Variants in STK31 observed in about 807,000 individuals in gnomAD.
The protein encoded by STK31 is serine/threonine-protein kinase 31.
In STK31, 89 loss-of-function variants were observed where a neutral mutation model predicts 129.7. The observed-to-expected ratio is 0.69, with a 90% confidence interval of 0.58 to 0.82. The LOEUF is 0.82. Among genes scored for constraint, STK31 ranks in the 40% least tolerant of loss-of-function variants. STK31 has a pLI of 0.00. For missense variants in STK31, 1,187 were observed against 1,176.4 expected, an observed-to-expected ratio of 1.01 and a Z score of -0.13; for synonymous variants, 448 against 395.3, an observed-to-expected ratio of 1.13 and a Z score of -1.58.
chr7:23,735,020 A>C (rs1391561574), intron 6 of STK31, among the ~76,000 whole-genome samples: 1 of 152,124 alleles, frequency 6.6e-6, no homozygotes. Context: ...CACATTTTAT[A>C]ATTTCAGTTT....
chr7:23,780,563 A>G (rs1790860951), intron 15 of STK31, among the ~76,000 whole-genome samples: 1 of 152,190 alleles, frequency 6.6e-6, no homozygotes, highest in Non-Finnish European at 1.5e-5. Context: ...CAGCAAATAC[A>G]CTATTTACAT....
chr7:23,752,709 T>C lies in STK31; in HGVS notation c.1018-8T>C, dbSNP rs1788789017. 4.4e-6 allele frequency: 7 copies of C among 1,593,680 alleles called. No homozygotes were observed. In the East Asian group the frequency reaches 1.6e-4, roughly 36 times the overall value. The stretch of plus-strand genomic sequence containing the variant: ...GTCTCACGAGAATGTGTTTATTCTT[T>C]GTTTCAGCAAGAGAAGGCAGCTGCT... On this transcript the variant is annotated splice_polypyrimidine_tract_variant and splice_region_variant and intron_variant, in intron 8 of 23. Transcript: ENST00000355870.
intron 23 of STK31, among the ~76,000 whole-genome samples, chr7:23,829,291 G>A (rs2390823): frequency 0.33 from 49,455 of 151,916 alleles, 9,296 homozygotes; most frequent in African/African-American, 0.52. Flanking sequence ...TTGTTGAGGT[G>A]TGTTACTTAT....
At chr7:23,829,560 T>C (rs1283639337) in intron 23 of STK31, among the ~76,000 whole-genome samples, 1 of 152,224 alleles carries the variant, frequency 6.6e-6, no homozygotes, top group Non-Finnish European at 1.5e-5. Context: ...TGCATCTGTG[T>C]TCATCAGGGA....
At chr7:23,803,121 A>G (rs1340844421) in intron 22 of STK31, among the ~76,000 whole-genome samples, 1 of 152,112 alleles carries the variant, frequency 6.6e-6, no homozygotes, top group Admixed American at 6.5e-5. Flanking sequence ...CTTTTTTACA[A>G]CAGTATTTTT....
chr7:23,729,993 G>C (rs1787306197), intron 6 of STK31, among the ~76,000 whole-genome samples: 1 of 152,126 alleles, frequency 6.6e-6, no homozygotes, highest in Non-Finnish European at 1.5e-5. Context: ...CATACTGTTT[G>C]ATGTAATAAT....
intron 3 of STK31, among the ~76,000 whole-genome samples, chr7:23,715,328 A>G (rs1381916918): frequency 6.6e-6 from 1 of 152,118 alleles, no homozygotes; most frequent in Non-Finnish European, 1.5e-5. Flanking sequence ...TTGAAAGAAC[A>G]AGCTTCTGGT....
At chr7:23,753,154 C>T (rs74909650) in intron 9 of STK31, among the ~76,000 whole-genome samples, 2,485 of 152,300 alleles carry the variant, frequency 0.016, 39 homozygotes, top group African/African-American at 0.042. Flanking sequence ...TTCAGGAGTA[C>T]AGCATGTCCT....
intron 15 of STK31, among the ~76,000 whole-genome samples, chr7:23,780,227 A>T (rs1446382631): frequency 2.0e-5 from 3 of 151,052 alleles, no homozygotes; most frequent in Non-Finnish European, 4.4e-5. Context: ...TGCAGAAATC[A>T]CTCACCTTGT....
intron 14 of STK31, 55 bp downstream of exon 14, chr7:23,771,179 GTACT>G (rs1467079509): frequency 3.4e-6 from 5 of 1,466,344 alleles, no homozygotes; most frequent in Non-Finnish European, 4.5e-6. Flanking sequence ...GAATTTTTCA[GTACT>G]TAAATTTTTC....
intron 22 of STK31, among the ~76,000 whole-genome samples, chr7:23,814,595 T>C (rs1358473360): frequency 6.6e-6 from 1 of 152,128 alleles, no homozygotes; most frequent in Non-Finnish European, 1.5e-5. Flanking sequence ...TATGCGTTTG[T>C]TCATAGGGTA....
intron 23 of STK31, among the ~76,000 whole-genome samples, chr7:23,822,689 G>T (rs1212174147): frequency 6.6e-6 from 1 of 152,076 alleles, no homozygotes; most frequent in Non-Finnish European, 1.5e-5. Flanking sequence ...TGCCATGTTG[G>T]TGTGCTGCAC....
intron 19 of STK31, 77 bp downstream of exon 19, chr7:23,786,710 T>C: frequency 1.3e-5 from 21 of 1,563,508 alleles, no homozygotes; most frequent in Non-Finnish European, 1.7e-5. Context: ...AAATTTTAGC[T>C]CCAGGTTTTA....
intron 22 of STK31, chr7:23,811,336 TG>T: frequency 2.4e-6 from 1 of 412,020 alleles, no homozygotes; most frequent in South Asian, 2.1e-5. Context: ...TTACTCTTTC[TG>T]GTCTTCATTC....
At chr7:23,810,208 C>A (rs954839895) in intron 22 of STK31, among the ~76,000 whole-genome samples, 1 of 152,030 alleles carries the variant, frequency 6.6e-6, no homozygotes, top group Non-Finnish European at 1.5e-5. Flanking sequence ...TCTGATATTA[C>A]AGCCATTCTT....
chr7:23,718,088 T>C (rs903603165), intron 4 of STK31, among the ~76,000 whole-genome samples: 1 of 152,128 alleles, frequency 6.6e-6, no homozygotes, highest in African/African-American at 2.4e-5. Flanking sequence ...ATGGTCAAGA[T>C]AGTCAATTTT....
intron 3 of STK31, 50 bp downstream of exon 3, chr7:23,712,336 C>T: frequency 1.3e-6 from 2 of 1,559,820 alleles, no homozygotes; most frequent in Non-Finnish European, 1.8e-6. Flanking sequence ...CAATCCAGTT[C>T]CTCCCCAACA....
intron 22 of STK31, among the ~76,000 whole-genome samples, chr7:23,796,355 G>GTTTT (rs34355493): frequency 6.7e-6 from 1 of 149,064 alleles, no homozygotes; most frequent in Non-Finnish European, 1.5e-5. Context: ...AACATATCAA[G>GTTTT]TTTTTTTTTT....
Position 23,729,377 on chromosome 7 carries a change from A to C in STK31, c.483+128A>C, listed in dbSNP as rs575469365. The C allele has an allele frequency of 2.5e-5, 21 of 828,502 alleles. No homozygotes were observed. In the East Asian group the frequency reaches 6.2e-4, roughly 24 times the overall value. The allele number at this position is 828,502 out of a possible 1,614,324, so 51.3% of individuals were successfully genotyped here. The stretch of plus-strand genomic sequence containing the variant: ...TAAATTAGTGAAAAATAGGAATTAT[A>C]ATTAGAAAGCAATTATATATTTATG... On this transcript the variant is annotated intron_variant, in intron 6 of 23. Coordinates refer to ENST00000355870, the MANE Select transcript of STK31 (RefSeq NM_031414.5).
Sources: gnomAD v4.1 joint callset for allele counts (sites outside exome capture counted in the v4.1 genomes callset) on GRCh38, gnomAD v4.1.1 for gene constraint, MANE v1.5 for transcripts, NCBI Gene and HGNC (gene_info 2026-07-23, HGNC 2026-07-21) for gene names.